IKBKB: variants seen among roughly 807,000 people sequenced by gnomAD.
The protein encoded by IKBKB is inhibitor of nuclear factor kappa-B kinase subunit beta.
In IKBKB, 42 loss-of-function variants were observed where a neutral mutation model predicts 113.6. That is an observed-to-expected ratio of 0.37 (90% CI 0.29 to 0.48). The LOEUF is 0.48. IKBKB is among the 20% of genes least tolerant of loss of function. The pLI, the probability that IKBKB is intolerant of heterozygous loss-of-function variation, is 0.99. For synonymous variants in IKBKB, 296 were observed against 361.3 expected (o/e 0.82, Z 2.05); for missense variants, 673 against 939.7 (o/e 0.72, Z 3.71).
chr8:42,306,828 G>T (rs1240906683), intron 7 of IKBKB, among the ~76,000 whole-genome samples: 3 of 152,212 alleles, frequency 2.0e-5, no homozygotes, highest in Non-Finnish European at 4.4e-5. Context: ...CTTTCCATGA[G>T]GTATTTCAGG....
intron 2 of IKBKB, among the ~76,000 whole-genome samples, chr8:42,279,317 T>C (rs547870801): frequency 6.6e-6 from 1 of 152,230 alleles, no homozygotes; most frequent in Non-Finnish European, 1.5e-5. Context: ...TATGGTGGTG[T>C]TGGTTCCTTG....
intron 16 of IKBKB, 153 bp downstream of exon 16, chr8:42,320,997 G>A: frequency 1.9e-6 from 1 of 516,796 alleles, no homozygotes; most frequent in East Asian, 3.4e-5. Context: ...TCATCACTGA[G>A]CTTCAGTTTC....
At chr8:42,328,517 A>G (rs969741785) in intron 20 of IKBKB, among the ~76,000 whole-genome samples, 2 of 152,204 alleles carry the variant, frequency 1.3e-5, no homozygotes, top group African/African-American at 2.4e-5. Flanking sequence ...TCAAAGGTCT[A>G]GAAAGGTGGA....
intron 7 of IKBKB, among the ~76,000 whole-genome samples, chr8:42,308,283 CT>C (rs33936743): frequency 1.4e-5 from 2 of 140,442 alleles, no homozygotes; most frequent in African/African-American, 2.7e-5. Context: ...TTTTTTTTTC[CT>C]TTTTTTTCTT....
intron 1 of IKBKB, 23 bp from the exon 2 acceptor site, chr8:42,272,060 T>TC (rs1255768403): frequency 5.6e-6 from 9 of 1,596,902 alleles, no homozygotes; most frequent in Non-Finnish European, 6.8e-6. Flanking sequence ...TAACCTTTTT[T>TC]CCCCATCCCA....
intron 12 of IKBKB, among the ~76,000 whole-genome samples, chr8:42,318,109 G>A (rs1819039537): frequency 1.3e-5 from 2 of 151,886 alleles, no homozygotes; most frequent in South Asian, 4.2e-4. Context: ...TAAAAATTTA[G>A]AAATTAGCCA....
At chr8:42,271,620 G>T in intron 1 of IKBKB, 151 bp downstream of exon 1, 1 of 548,880 alleles carries the variant, frequency 1.8e-6, no homozygotes, top group Non-Finnish European at 3.2e-6. Context: ...AGTTCGGGAA[G>T]CCGGGAGAAA....
In IKBKB at chr8:42,320,739, A is replaced by G; in HGVS notation, c.1583A>G (p.Asn528Ser). The stretch of plus-strand genomic sequence containing the variant: ...TTAGCACAGCTTTTCCATTAGGAGA[A>G]CGAAGTGAAACTCCTGGTAGAACGG... ...EQAVELCGRE[N>S]EVKLLVERMM... Residue 528 changes from asparagine to serine, a missense_variant, in exon 16 of 22, where the codon AAC becomes AGC. Transcript: ENST00000520810. 1.2e-6 allele frequency: 2 copies of G among 1,612,852 alleles called. No homozygotes were observed. The highest frequency in any genetic ancestry group is 8.5e-7 in the Non-Finnish European group (1 of 1,178,992).
chr8:42,318,088 C>T (rs1054826392), intron 12 of IKBKB, among the ~76,000 whole-genome samples: 17 of 151,910 alleles, frequency 1.1e-4, no homozygotes, highest in East Asian at 3.9e-4. Context: ...ATAGTAAGCT[C>T]GCAAGTCTAC....
chr8:42,282,220 G>C (rs374068876), intron 2 of IKBKB, among the ~76,000 whole-genome samples: 15 of 152,176 alleles, frequency 9.9e-5, no homozygotes, highest in African/African-American at 3.6e-4. Context: ...TCTCACTCCA[G>C]TAGTCCACGC....
At chr8:42,271,864 T>G in intron 1 of IKBKB, 1 of 576,638 alleles carries the variant, frequency 1.7e-6, no homozygotes, top group Non-Finnish European at 3.0e-6. Flanking sequence ...CTTCCTTGCC[T>G]GATGCCACAG....
chr8:42,301,045 C>T (rs943141311), intron 5 of IKBKB, among the ~76,000 whole-genome samples: 2 of 151,542 alleles, frequency 1.3e-5, no homozygotes, highest in Non-Finnish European at 2.9e-5. Context: ...TTTGTAGAGA[C>T]AGGGTCTTGC....
intron 12 of IKBKB, 45 bp downstream of exon 12, chr8:42,317,816 T>C (rs1426955498): frequency 1.5e-6 from 2 of 1,377,304 alleles, no homozygotes; most frequent in African/African-American, 1.4e-5. Flanking sequence ...TCCGTTATAA[T>C]ATGTGGGACA....
chr8:42,319,685 G>T (rs199645286), intron 15 of IKBKB, 39 bp downstream of exon 15: 81 of 1,519,352 alleles, frequency 5.3e-5, no homozygotes, highest in Non-Finnish European at 7.1e-5. Flanking sequence ...TTACCAAGGG[G>T]GTGAGATTTT....
chr8:42,315,634 C>A (rs1022834400), intron 9 of IKBKB, among the ~76,000 whole-genome samples: 1 of 151,828 alleles, frequency 6.6e-6, no homozygotes, highest in Admixed American at 6.6e-5. Context: ...ATTTTTAAAA[C>A]CTCATGGGTT....
Position 42,316,165 on chromosome 8 carries a change from C to T in IKBKB, c.801-45C>T, listed in dbSNP as rs201125897. ...CTGGGAGACGCACACTGTAGCCCAA[C>T]ATTGGCTGGAAGTGTCTCCTCACAC... On this transcript the variant is annotated intron_variant, in intron 9 of 21. Coordinates refer to ENST00000520810, the MANE Select transcript of IKBKB (RefSeq NM_001556.3). This position sits in a 1 kb window ranked among gnomAD's most constrained non-coding sequence, Gnocchi z 4.5. 1 of 1,607,058 alleles carries T rather than the reference C, an allele frequency of 6.2e-7. No individual in the cohort carries two copies.
intron 4 of IKBKB, 122 bp from the exon 5 acceptor site, chr8:42,293,321 G>C: frequency 8.5e-7 from 1 of 1,180,696 alleles, no homozygotes; most frequent in Admixed American, 2.2e-5. Flanking sequence ...CTCAAAAGCA[G>C]GTCCCCTAAA....
intron 11 of IKBKB, chr8:42,317,209 TAAA>T (rs35978252): frequency 1.8e-3 from 525 of 295,658 alleles, no homozygotes; most frequent in East Asian, 2.5e-3. Context: ...CCAAGTGTAC[TAAA>T]AAAAAAAAAA....
At position 42,271,452 on chromosome 8, in the gene IKBKB, C is replaced by T. The variant is rs1053391561; in HGVS notation, c.-36C>T. 7.9e-5 allele frequency: 110 copies of T among 1,389,022 alleles called. 1 individual carries two copies. In the Admixed American group the frequency reaches 1.5e-3, roughly 19 times the overall value. 86.0% of individuals were successfully genotyped at this position (1,389,022 alleles called of 1,614,324 possible). ...CGCCCCGGGGAGCCCGCCCCCTGCC[C>T]CGCGTCCCTGCCGACAGGTGAGTCC... On this transcript the variant is annotated 5_prime_UTR_variant, in exon 1 of 22. Transcript: ENST00000520810.
Sources: gnomAD v4.1 joint callset for allele counts (sites outside exome capture counted in the v4.1 genomes callset) on GRCh38, gnomAD v4.1.1 for gene constraint, Gnocchi (gnomAD v3.1) non-coding constraint, MANE v1.5 for transcripts, NCBI Gene and HGNC (gene_info 2026-07-23, HGNC 2026-07-21) for gene names.